SNUPN: variants seen among roughly 807,000 people sequenced by gnomAD.
The protein encoded by SNUPN is snurportin 1.
Under a neutral mutation model 39.2 loss-of-function variants are expected in SNUPN, and 31 were observed. The observed-to-expected ratio is 0.79, with a 90% CI of 0.59 to 1.07. The LOEUF (loss-of-function observed/expected upper bound fraction) is 1.07, where lower values mean the gene tolerates loss of function less well. Among genes scored for constraint, SNUPN ranks in the 50% least tolerant of loss-of-function variants. The pLI, the probability that SNUPN is intolerant of heterozygous loss-of-function variation, is 0.00. For synonymous variants in SNUPN, 132 were observed against 159.0 expected (o/e 0.83, Z 1.28); for missense variants, 382 against 434.2 (o/e 0.88, Z 1.07).
chr15:75,603,117 C>T (rs1038510567), intron 7 of SNUPN, among the ~76,000 whole-genome samples: 40 of 149,950 alleles, frequency 2.7e-4, no homozygotes, highest in African/African-American at 7.1e-4. Context: ...GGCACGATCT[C>T]GGCTAACTGC....
At chr15:75,614,132 A>T (rs1301311875) in intron 3 of SNUPN, among the ~76,000 whole-genome samples, 1 of 152,044 alleles carries the variant, frequency 6.6e-6, no homozygotes, top group Non-Finnish European at 1.5e-5. Context: ...CTCTACTAAA[A>T]ATATAAAAAT....
intron 8 of SNUPN, chr15:75,600,787 C>T (rs1326828976): frequency 4.4e-6 from 1 of 228,880 alleles, no homozygotes. Flanking sequence ...AAACCAGGGA[C>T]CTGGGTCTCA....
intron 3 of SNUPN, among the ~76,000 whole-genome samples, chr15:75,611,931 C>T (rs1324613945): frequency 6.6e-6 from 1 of 152,160 alleles, no homozygotes; most frequent in African/African-American, 2.4e-5. Flanking sequence ...CTTAATACTT[C>T]TTGATGCTGC....
rs905447706 is a variant in SNUPN at position 75,613,258 on chromosome 15, CAAAAAAAAAAAAAA to C, written c.304-3278_304-3265del. Reference sequence around the variant, plus strand: ...TGGGCGACAGAGCAAGACTCCATCTCAAAAAAAAAAAAAAAAAAAAAAAAGAGCAAAGGATTTGA... The same window carrying C: ...TGGGCGACAGAGCAAGACTCCATCTCAAAAAAAAAAGAGCAAAGGATTTGA... On this transcript the variant is annotated intron_variant, in intron 3 of 8. Coordinates refer to ENST00000308588, the MANE Select transcript of SNUPN (RefSeq NM_005701.4). 7.4e-5 allele frequency among the ~76,000 whole-genome samples: 3 copies of C among 40,630 alleles called. No individual in the cohort carries two copies. The East Asian group carries it at 3.5e-3, about 47-fold the overall frequency. The allele number at this position is 40,630 out of a possible 152,430, so 26.7% of individuals were successfully genotyped here. A position where few individuals can be genotyped will look rare whatever the true frequency, so the allele number is the denominator to read the frequency against.
intron 1 of SNUPN, chr15:75,622,271 T>G (rs1893092794): frequency 1.4e-6 from 1 of 731,484 alleles, no homozygotes; most frequent in Non-Finnish European, 1.7e-6. Context: ...TGTTACTTCC[T>G]CATATTCTAG....
chr15:75,602,310 G>A (rs1293243962), intron 7 of SNUPN, among the ~76,000 whole-genome samples: 1 of 152,020 alleles, frequency 6.6e-6, no homozygotes, highest in East Asian at 1.9e-4. Context: ...GGCGGATCAC[G>A]AGGTCAGGAG....
chr15:75,622,505 T>C, intron 1 of SNUPN: 1 of 984,166 alleles, frequency 1.0e-6, no homozygotes, highest in Non-Finnish European at 1.2e-6. Flanking sequence ...AGAATGGGAG[T>C]GGGGAGAAAG....
chr15:75,600,946 A>T (rs1331154973), intron 8 of SNUPN, 192 bp downstream of exon 8: 2 of 525,020 alleles, frequency 3.8e-6, no homozygotes, highest in African/African-American at 3.8e-5. Context: ...CAGTGCCAGC[A>T]TTCTGACTTA....
chr15:75,599,129 AC>A (rs891144744), intron 8 of SNUPN, among the ~76,000 whole-genome samples: 1 of 151,958 alleles, frequency 6.6e-6, no homozygotes, highest in Non-Finnish European at 1.5e-5. Flanking sequence ...AGACTGCACC[AC>A]TGCACTCCAG....
chr15:75,600,526 C>G (rs907361301), intron 8 of SNUPN: 1 of 152,562 alleles, frequency 6.6e-6, no homozygotes, highest in Non-Finnish European at 1.5e-5. Context: ...CCACCGGCCT[C>G]GGCCTTCCCA....
intron 7 of SNUPN, 103 bp downstream of exon 7, chr15:75,605,047 G>T: frequency 2.7e-6 from 2 of 748,460 alleles, no homozygotes; most frequent in African/African-American, 1.8e-5. Context: ...ATACCATGCT[G>T]CCTCAAAAAA....
In SNUPN at chr15:75,602,488, T is replaced by C. The variant is rs1227284922; in HGVS notation, c.679-1270A>G. Among the ~76,000 whole-genome samples the C allele has an allele frequency of 2.0e-5, 3 of 146,704 alleles. No individual in the cohort carries two copies. In the East Asian group the frequency reaches 6.1e-4, roughly 30 times the overall value. On this transcript the variant is annotated intron_variant, in intron 7 of 8. Coordinates refer to ENST00000308588, the MANE Select transcript of SNUPN (RefSeq NM_005701.4). ...TTGCAGTGAGCTGAGATTGTGCCACTGCACTCTAGCCTGAGCAACAGAGCA... is the reference window on the plus strand; with the variant it reads ...TTGCAGTGAGCTGAGATTGTGCCACCGCACTCTAGCCTGAGCAACAGAGCA...
chr15:75,610,543 C>T (rs1892753396), intron 3 of SNUPN, among the ~76,000 whole-genome samples: 1 of 152,108 alleles, frequency 6.6e-6, no homozygotes, highest in Non-Finnish European at 1.5e-5. Context: ...CTTCTCTCCT[C>T]CATCTCCACC....
rs1350137832 is a variant in SNUPN, at chr15:75,617,315, C to G, written c.303+93G>C. 6 of 1,350,500 alleles carry G rather than the reference C, an allele frequency of 4.4e-6. No individual in the cohort carries two copies. In the East Asian group the frequency reaches 1.4e-4, roughly 31 times the overall value. The allele number at this position is 1,350,500 out of a possible 1,614,324, so 83.7% of individuals were successfully genotyped here. A position where few individuals can be genotyped will look rare whatever the true frequency, so the allele number is the denominator to read the frequency against. On this transcript the variant is annotated intron_variant, in intron 3 of 8. Transcript: ENST00000308588. ...CTATTCCTTTTTCCTGCCTCATTCT[C>G]CTCTCTTTATGACAGCATTTATTTC...
intron 7 of SNUPN, among the ~76,000 whole-genome samples, chr15:75,604,686 A>T (rs2075317619): frequency 6.6e-6 from 1 of 152,236 alleles, no homozygotes; most frequent in East Asian, 1.9e-4. Flanking sequence ...ATCTAAGGGT[A>T]AGTGAGATTA....
chr15:75,619,223 T>C lies in SNUPN; in HGVS notation c.158+1671A>G, dbSNP rs545963761. Among the ~76,000 whole-genome samples, 69 of 151,660 alleles carry C rather than the reference T, an allele frequency of 4.5e-4. 1 individual carries two copies. Among genetic ancestry groups the C allele is most frequent in the African/African-American group, 1.6e-3 (65 of 41,326 alleles). On this transcript the variant is annotated intron_variant, in intron 2 of 8. Coordinates refer to ENST00000308588, the MANE Select transcript of SNUPN (RefSeq NM_005701.4). ...GGCCTGCACCAGTGGTCCCAGCTAC[T>C]TGAGGGGCTGAGGTTGCAGTGAGCC... is the stretch of plus-strand genomic sequence containing the variant.
chr15:75,609,588 C>T lies in SNUPN; in HGVS notation c.472G>A (p.Gly158Arg). 1 of 1,614,096 alleles carries T rather than the reference C, an allele frequency of 6.2e-7. No individual in the cohort carries two copies. Among genetic ancestry groups the T allele is most frequent in the South Asian group, 1.1e-5 (1 of 91,080 alleles). ...GCTGTTGAGTTTCGCCTGTTGCCTCCTGGCAGAAGTGAAGAAAACCTGTTG... is the reference window on the plus strand; with the variant it reads ...GCTGTTGAGTTTCGCCTGTTGCCTCTTGGCAGAAGTGAAGAAAACCTGTTG... ...CVNRFSSLLP[G>R]GNRRNSTAKD... Residue 158 changes from glycine to arginine, a missense_variant, in exon 5 of 9, where the codon GGA (glycine) becomes AGA (arginine). Physicochemically the swap from Gly to Arg is moderately radical, Grantham distance 125. Transcript: ENST00000308588.
intron 7 of SNUPN, among the ~76,000 whole-genome samples, chr15:75,604,639 T>C (rs1024035583): frequency 6.6e-6 from 1 of 152,216 alleles, no homozygotes; most frequent in African/African-American, 2.4e-5. Context: ...AACAACCCTG[T>C]AAATTAGATG....
intron 2 of SNUPN, among the ~76,000 whole-genome samples, chr15:75,617,985 GA>G (rs1295521119): frequency 1.3e-5 from 2 of 152,180 alleles, no homozygotes; most frequent in Non-Finnish European, 2.9e-5. Flanking sequence ...GTGGAAGTAA[GA>G]AATGATGGAA....
Sources: allele counts gnomAD v4.1 joint callset (sites outside exome capture counted in the v4.1 genomes callset), GRCh38; gene constraint gnomAD v4.1.1; transcripts MANE v1.5; gene names NCBI Gene and HGNC (gene_info 2026-07-23, HGNC 2026-07-21).